DAB1: variants seen among roughly 807,000 people sequenced by gnomAD.
DAB1 encodes the protein disabled homolog 1.
Under a neutral mutation model 64.6 loss-of-function variants are expected in DAB1, and 15 were observed. The ratio of observed to expected loss-of-function variants is 0.23; its 90% CI spans 0.16 to 0.36. The LOEUF (loss-of-function observed/expected upper bound fraction) is 0.36, where lower values mean the gene tolerates loss of function less well. Ranked by LOEUF, DAB1 falls within the 10% of genes least tolerant of loss-of-function variation. The probability of loss-of-function intolerance (pLI) is 1.00; values close to 1 mark genes in which losing one functional copy is unlikely to be tolerated. For synonymous variants in DAB1, 235 were observed against 251.9 expected (o/e 0.93, Z 0.64); for missense variants, 596 against 706.7 (o/e 0.84, Z 1.78).
chr1:57,073,128 A>T (rs953534196), intron 4 of DAB1, among the ~76,000 whole-genome samples: 1 of 152,166 alleles, frequency 6.6e-6, no homozygotes, highest in Non-Finnish European at 1.5e-5. Context: ...CTCCCTGGAG[A>T]AATAATTCCA....
chr1:58,334,604 A>T, intron 4 of DAB1, among the ~76,000 whole-genome samples: 1 of 51,680 alleles, frequency 1.9e-5, no homozygotes, highest in East Asian at 1.8e-3. Flanking sequence ...ATTATATTAC[A>T]TTATATTATA....
intron 4 of DAB1, chr1:58,229,133 T>A (rs1312396324): frequency 5.8e-6 from 1 of 172,218 alleles, no homozygotes; most frequent in Non-Finnish European, 1.2e-5. Context: ...TACCTGATTA[T>A]TACTCTTTTT....
intron 2 of DAB1, among the ~76,000 whole-genome samples, chr1:57,276,910 C>T (rs1671513280): frequency 1.3e-5 from 2 of 152,140 alleles, no homozygotes; most frequent in South Asian, 4.1e-4. Context: ...GTGGCCAGCA[C>T]TCTGCCAGGT....
intron 14 of DAB1, among the ~76,000 whole-genome samples, chr1:57,008,209 T>G (rs1646149316): frequency 6.6e-6 from 1 of 152,212 alleles, no homozygotes; most frequent in Admixed American, 6.5e-5. Context: ...AGGGCCATTC[T>G]GATTATGGGG....
At chr1:57,288,321 G>C (rs1672496942) in intron 2 of DAB1, among the ~76,000 whole-genome samples, 2 of 152,136 alleles carry the variant, frequency 1.3e-5, no homozygotes, top group Admixed American at 1.3e-4. Context: ...ATGGGGGATG[G>C]GGGAGGAGGA....
At chr1:58,539,242 C>T (rs369792266) in intron 1 of DAB1, 34 of 870,126 alleles carry the variant, frequency 3.9e-5, no homozygotes, top group African/African-American at 1.3e-4. Flanking sequence ...TGAATTAAAT[C>T]GGAAGAAAAC....
intron 6 of DAB1, among the ~76,000 whole-genome samples, chr1:57,669,066 T>C (rs770184802): frequency 6.6e-6 from 1 of 152,148 alleles, no homozygotes; most frequent in African/African-American, 2.4e-5. Context: ...TTTAATTCCG[T>C]GTTCCTTACA....
chr1:58,535,527 T>C (rs1569971239), intron 1 of DAB1, among the ~76,000 whole-genome samples: 2 of 140,118 alleles, frequency 1.4e-5, no homozygotes, highest in Non-Finnish European at 3.0e-5. Flanking sequence ...ACCTGTAAGG[T>C]GGAGGTTGCA....
At chr1:58,519,812 T>C (rs1646233081) in intron 2 of DAB1, among the ~76,000 whole-genome samples, 1 of 152,106 alleles carries the variant, frequency 6.6e-6, no homozygotes, top group Non-Finnish European at 1.5e-5. Flanking sequence ...ATGGAGAATT[T>C]CACCAGAGAA....
intron 6 of DAB1, among the ~76,000 whole-genome samples, chr1:57,745,136 C>G (rs1648203792): frequency 6.6e-6 from 1 of 152,114 alleles, no homozygotes; most frequent in African/African-American, 2.4e-5. Context: ...ATAGTAATAT[C>G]TGCTTCTGGT....
rs183307067 is a variant in DAB1, at chr1:58,446,944, T to C, written n.257+59116A>G. Among the ~76,000 whole-genome samples the C allele has an allele frequency of 8.5e-5, 13 of 152,304 alleles. No homozygotes were observed. The East Asian group carries it at 2.3e-3, about 27-fold the overall frequency. On this transcript the variant is annotated intron_variant and non_coding_transcript_variant, in intron 3 of 20. Coordinates refer to the DAB1 transcript ENST00000485760. ...ATGACAAGCTGTTCCAGTTTATTCC[T>C]CCCCAAACCCTCATATCACCTTCCA... is the stretch of plus-strand genomic sequence containing the variant.
intron 2 of DAB1, among the ~76,000 whole-genome samples, chr1:57,147,821 T>C (rs998729449): frequency 6.6e-6 from 1 of 152,182 alleles, no homozygotes; most frequent in African/African-American, 2.4e-5. Flanking sequence ...GGTACGAGTA[T>C]TCAGGTTTCA....
At chr1:58,066,439 A>G (rs1648859224) in intron 5 of DAB1, among the ~76,000 whole-genome samples, 1 of 152,224 alleles carries the variant, frequency 6.6e-6, no homozygotes, top group Non-Finnish European at 1.5e-5. Flanking sequence ...AACCACTCCC[A>G]ATCAACAGAG....
chr1:57,469,702 C>T (rs972865922), intron 7 of DAB1, among the ~76,000 whole-genome samples: 1 of 152,110 alleles, frequency 6.6e-6, no homozygotes, highest in Non-Finnish European at 1.5e-5. Context: ...ATTATAATTC[C>T]TATCAGTACA....
intron 5 of DAB1, among the ~76,000 whole-genome samples, chr1:58,009,801 A>T (rs1264911872): frequency 6.6e-6 from 1 of 151,944 alleles, no homozygotes; most frequent in Non-Finnish European, 1.5e-5. Context: ...TTTCCAGGAA[A>T]CTCAAGGTTT....
chr1:57,383,597 G>T (rs957918731), intron 1 of DAB1, among the ~76,000 whole-genome samples: 8 of 152,290 alleles, frequency 5.3e-5, no homozygotes, highest in African/African-American at 7.2e-5. Context: ...AGAAAGCCAA[G>T]AAATAAAACC....
At chr1:57,883,953 G>GGAT (rs1644185136) in intron 1 of DAB1, 2 of 152,306 alleles carry the variant, frequency 1.3e-5, no homozygotes, top group African/African-American at 4.8e-5. Flanking sequence ...TATTGGGAGG[G>GGAT]GATGATTGGA....
At chr1:57,177,186 T>C (rs563272889) in intron 2 of DAB1, among the ~76,000 whole-genome samples, 2 of 152,254 alleles carry the variant, frequency 1.3e-5, no homozygotes, top group South Asian at 4.1e-4. Flanking sequence ...TTTAACTTTC[T>C]GTGATTTGCT....
chr1:57,996,062 C>G (rs1646420255), intron 5 of DAB1, among the ~76,000 whole-genome samples: 1 of 152,090 alleles, frequency 6.6e-6, no homozygotes, highest in African/African-American at 2.4e-5. Flanking sequence ...AGTTTGAGAT[C>G]AGCCTGGCCA....
Sources: gnomAD v4.1 joint callset for allele counts (sites outside exome capture counted in the v4.1 genomes callset) on GRCh38, gnomAD v4.1.1 for gene constraint, MANE v1.5 for transcripts, NCBI Gene and HGNC (gene_info 2026-07-23, HGNC 2026-07-21) for gene names.